The following RELN variants were observed in gnomAD, a reference collection of about 807,000 sequenced individuals.
RELN encodes the protein reelin.
In RELN, 108 loss-of-function variants were observed where a neutral mutation model predicts 427.6. That is an observed-to-expected ratio of 0.25 (90% CI 0.22 to 0.30). The LOEUF (loss-of-function observed/expected upper bound fraction) is 0.30. Among genes scored for constraint, RELN ranks in the 10% least tolerant of loss-of-function variants. RELN has a pLI of 1.00. For synonymous variants in RELN, 1,524 were observed against 1,513.4 expected (o/e 1.01, Z -0.16); for missense variants, 3,715 against 4,302.8 (o/e 0.86, Z 3.82).
chr7:103,633,415 C>G (rs972933767), intron 19 of RELN, among the ~76,000 whole-genome samples: 8 of 151,230 alleles, frequency 5.3e-5, no homozygotes, highest in Non-Finnish European at 8.8e-5. Context: ...GCCATGTCAC[C>G]TTTTATTAAT....
At chr7:103,985,955 C>G (rs554100771) in intron 1 of RELN, among the ~76,000 whole-genome samples, 58 of 152,146 alleles carry the variant, frequency 3.8e-4, no homozygotes, top group Non-Finnish European at 4.9e-4. Flanking sequence ...TCATTTGCAA[C>G]TTTCTACCAC....
chr7:103,918,906 T>TGGCTG (rs1795548786), intron 1 of RELN, among the ~76,000 whole-genome samples: 1 of 152,120 alleles, frequency 6.6e-6, no homozygotes, highest in African/African-American at 2.4e-5. Flanking sequence ...AAGGCGTAAG[T>TGGCTG]ATGCATAAAT....
chr7:103,612,972 T>G (rs1831995916), intron 20 of RELN, among the ~76,000 whole-genome samples: 1 of 152,222 alleles, frequency 6.6e-6, no homozygotes, highest in African/African-American at 2.4e-5. Context: ...TTGTTTCTGC[T>G]ACTCTGAAGC....
rs3025926 is a variant in RELN, at chr7:103,539,591, C to T, written c.6931-264G>A. 3,176 of 480,052 alleles carry T rather than the reference C, an allele frequency of 6.6e-3. 84 individuals are homozygous for T. Among genetic ancestry groups the T allele is most frequent in the African/African-American group, 0.057 (2,908 of 51,232 alleles). 29.7% of individuals were successfully genotyped at this position (480,052 alleles called of 1,614,324 possible). On this transcript the variant is annotated intron_variant, in intron 44 of 64. Transcript: ENST00000428762. ...ATTGGCCAAACTGTGCCTTTGCAAA[C>T]GACATGTACCCAAGCTGGGAAGCAA...
At chr7:103,518,505 GT>G (rs58239018) in intron 49 of RELN, among the ~76,000 whole-genome samples, 8,782 of 114,348 alleles carry the variant, frequency 0.077, 586 homozygotes, top group East Asian at 0.18. Flanking sequence ...GGTAATTTAA[GT>G]TTTTTTTTTT....
At chr7:103,851,436 A>G (rs1188770247) in intron 2 of RELN, among the ~76,000 whole-genome samples, 2 of 152,146 alleles carry the variant, frequency 1.3e-5, no homozygotes, top group Non-Finnish European at 2.9e-5. Context: ...ACCACTAAAG[A>G]ACTTACTCAT....
chr7:103,885,971 TA>T (rs1794718765), intron 2 of RELN, among the ~76,000 whole-genome samples: 1 of 151,936 alleles, frequency 6.6e-6, no homozygotes, highest in Non-Finnish European at 1.5e-5. Flanking sequence ...GTGATTATTT[TA>T]ATCACCATTT....
chr7:103,650,274 C>G lies in RELN; in HGVS notation c.2002G>C (p.Val668Leu). The change falls in exon 16 of 65, where the codon GTT becomes CTT. Residue 668 changes from valine (V) to leucine (L), a missense_variant and splice_region_variant. Val to Leu is a conservative substitution (Grantham distance 32). Transcript: ENST00000428762. The stretch of plus-strand genomic sequence containing the variant: ...GATTATGACAGGCATAAACACTAAC[C>G]ATTATCAATTGCCCACATGTTTCCA... The part of the protein sequence containing the change: ...ILGNMWAIDN[V>L]YIGPSCLKFC... 6.4e-7 allele frequency: 1 copy of G among 1,568,956 alleles called. No individual in the cohort carries two copies. Among genetic ancestry groups the G allele is most frequent in the Non-Finnish European group, 8.8e-7 (1 of 1,139,156 alleles).
At chr7:103,679,201 A>G (rs1001556459) in intron 11 of RELN, among the ~76,000 whole-genome samples, 1 of 152,202 alleles carries the variant, frequency 6.6e-6, no homozygotes, top group Non-Finnish European at 1.5e-5. Context: ...GGATTAAACT[A>G]TCATTTTTAT....
At position 103,521,354 on chromosome 7, in the gene RELN, C is replaced by T. The variant is rs988025287; in HGVS notation, c.7668+668G>A. 3.9e-5 allele frequency among the ~76,000 whole-genome samples: 6 copies of T among 152,292 alleles called. No individual in the cohort carries two copies. In the South Asian group the frequency reaches 6.2e-4, roughly 16 times the overall value. ...GAAATTGTATTTTAAACAGAGTCGCCTTTGGCAGAAAAGTAGAGTGACTAT... is the reference window on the plus strand; with the variant it reads ...GAAATTGTATTTTAAACAGAGTCGCTTTTGGCAGAAAAGTAGAGTGACTAT... On this transcript the variant is annotated intron_variant, in intron 48 of 64. Coordinates refer to ENST00000428762, the MANE Select transcript of RELN (RefSeq NM_005045.4).
At chr7:103,498,498 A>G (rs929082480) in intron 53 of RELN, among the ~76,000 whole-genome samples, 2 of 150,150 alleles carry the variant, frequency 1.3e-5, no homozygotes, top group Non-Finnish European at 3.0e-5. Flanking sequence ...GACTATATCA[A>G]TTTTTTTTTT....
rs1209873117 is a variant in RELN at position 103,569,269 on chromosome 7, A to G, written c.4589-2510T>C. ...GAACTAAAGGCTTTTGCCAACAGCC[A>G]TGTAAGTAAGCCATCTTGGAAGTAG... On this transcript the variant is annotated intron_variant, in intron 31 of 64. Coordinates refer to ENST00000428762, the MANE Select transcript of RELN (RefSeq NM_005045.4). The surrounding 1 kb of genome is among the most constrained non-coding windows in gnomAD (Gnocchi z 4.0). 6.6e-6 allele frequency among the ~76,000 whole-genome samples: 1 copy of G among 152,204 alleles called. No individual in the cohort carries two copies. The highest frequency in any genetic ancestry group is 1.5e-5 in the Non-Finnish European group (1 of 68,036).
intron 28 of RELN, among the ~76,000 whole-genome samples, chr7:103,584,413 T>C (rs1334469209): frequency 6.6e-6 from 1 of 152,128 alleles, no homozygotes; most frequent in Admixed American, 6.5e-5. Flanking sequence ...TAAGAGTAAC[T>C]ACACTCATGT....
intron 2 of RELN, among the ~76,000 whole-genome samples, chr7:103,835,406 G>A (rs542648236): frequency 6.6e-6 from 1 of 152,240 alleles, no homozygotes; most frequent in East Asian, 1.9e-4. Context: ...CACATAGAAT[G>A]TACACACCAA....
At chr7:103,817,595 T>C (rs1792905389) in intron 3 of RELN, among the ~76,000 whole-genome samples, 1 of 152,164 alleles carries the variant, frequency 6.6e-6, no homozygotes, top group African/African-American at 2.4e-5. Flanking sequence ...TAGGATTTCC[T>C]TTGTGAAAAG....
chr7:103,551,660 C>T (rs999949535), intron 40 of RELN, among the ~76,000 whole-genome samples: 1 of 152,106 alleles, frequency 6.6e-6, no homozygotes, highest in African/African-American at 2.4e-5. Context: ...TTAGCTTCCC[C>T]CCCATCTAGG....
intron 43 of RELN, among the ~76,000 whole-genome samples, chr7:103,541,614 G>A (rs558046764): frequency 3.3e-5 from 5 of 152,142 alleles, no homozygotes; most frequent in Non-Finnish European, 5.9e-5. Context: ...GTCTAGTGAC[G>A]TTTACATTTG....
chr7:103,636,456 T>A lies in RELN; in HGVS notation c.2082A>T (p.Gly694=), dbSNP rs996259654. The change falls in exon 18 of 65, where the codon GGA becomes GGT. Residue 694 remains glycine, a synonymous_variant. Coordinates refer to ENST00000428762, the MANE Select transcript of RELN (RefSeq NM_005045.4). Reference sequence around the variant, plus strand: ...CCATCTCACAAGCTGGGCCAGAAAATCCAGGGTCACACCTGAAAGAAATAT... The same window carrying A: ...CCATCTCACAAGCTGGGCCAGAAAAACCAGGGTCACACCTGAAAGAAATAT... ...CTRHGCKCDP[G]FSGPACEMAS... 6.2e-7 allele frequency: 1 copy of A among 1,610,076 alleles called. No homozygotes were observed. Among genetic ancestry groups the A allele is most frequent in the African/African-American group, 1.3e-5 (1 of 74,936 alleles).
chr7:103,490,456 TACAG>T (rs1456788877), intron 59 of RELN, among the ~76,000 whole-genome samples: 1 of 152,188 alleles, frequency 6.6e-6, no homozygotes, highest in Non-Finnish European at 1.5e-5. Flanking sequence ...CTGAATCATT[TACAG>T]ACACACTCCA....
Sources: gnomAD v4.1 joint callset for allele counts (sites outside exome capture counted in the v4.1 genomes callset) on GRCh38, gnomAD v4.1.1 for gene constraint, Gnocchi (gnomAD v3.1) non-coding constraint, MANE v1.5 for transcripts, NCBI Gene and HGNC (gene_info 2026-07-23, HGNC 2026-07-21) for gene names.